CSMD2: variants seen among roughly 807,000 people sequenced by gnomAD.
CSMD2 encodes CUB and sushi domain-containing protein 2.
In CSMD2, 130 loss-of-function variants were observed where a neutral mutation model predicts 398.5. That is an observed-to-expected ratio of 0.33 (90% CI 0.28 to 0.38). The LOEUF is 0.38. Among genes scored for constraint, CSMD2 ranks in the 10% least tolerant of loss-of-function variants. The pLI is 1.00. For synonymous variants in CSMD2, 1,828 were observed against 1,908.5 expected (o/e 0.96, Z 1.10); for missense variants, 3,829 against 4,764.9 (o/e 0.80, Z 5.78).
intron 2 of CSMD2, among the ~76,000 whole-genome samples, chr1:34,052,393 G>A (rs1653290726): frequency 2.0e-5 from 3 of 151,290 alleles, no homozygotes; most frequent in Non-Finnish European, 4.4e-5. Context: ...GATATGGGAG[G>A]TTATATGCAA....
chr1:33,783,893 T>C (rs1653163823), intron 12 of CSMD2, among the ~76,000 whole-genome samples: 8 of 152,204 alleles, frequency 5.3e-5, no homozygotes, highest in Admixed American at 4.6e-4. Context: ...ACTTTTTATT[T>C]GAGGGGCGAA....
At chr1:34,155,850 T>G (rs1419028636) in intron 1 of CSMD2, among the ~76,000 whole-genome samples, 2 of 152,210 alleles carry the variant, frequency 1.3e-5, no homozygotes, top group East Asian at 1.9e-4. Context: ...TCCAAGTCCA[T>G]CATTGCATAG....
intron 26 of CSMD2, among the ~76,000 whole-genome samples, chr1:33,662,519 T>C (rs924361667): frequency 1.4e-4 from 21 of 152,208 alleles, no homozygotes; most frequent in African/African-American, 5.1e-4. Flanking sequence ...CCTTTCCTTG[T>C]CATAGATGAC....
intron 44 of CSMD2, among the ~76,000 whole-genome samples, chr1:33,590,886 A>G (rs1009587650): frequency 6.6e-6 from 1 of 151,446 alleles, no homozygotes; most frequent in Non-Finnish European, 1.5e-5. Context: ...AGCAGCAGCC[A>G]TTGTGAGCAA....
chr1:34,138,209 G>A (rs1638939244), intron 1 of CSMD2, among the ~76,000 whole-genome samples: 2 of 152,160 alleles, frequency 1.3e-5, no homozygotes, highest in South Asian at 4.2e-4. Context: ...ACATACTATG[G>A]TTAAGCAGGT....
chr1:33,961,130 G>C (rs1051344944), intron 3 of CSMD2, among the ~76,000 whole-genome samples: 9 of 152,248 alleles, frequency 5.9e-5, no homozygotes, highest in Non-Finnish European at 1.2e-4. Context: ...TTCCAAGGAG[G>C]AGCACCCACA....
intron 9 of CSMD2, chr1:33,813,059 C>T (rs1002182641): frequency 7.9e-5 from 12 of 152,218 alleles, no homozygotes; most frequent in Admixed American, 4.6e-4. Context: ...AAAGCTCCAC[C>T]AGCACCATCT....
At chr1:33,529,339 A>G (rs1655049252) in intron 64 of CSMD2, among the ~76,000 whole-genome samples, 1 of 152,094 alleles carries the variant, frequency 6.6e-6, no homozygotes, top group Non-Finnish European at 1.5e-5. Flanking sequence ...GTAGACATGT[A>G]GTCTCCCTAG....
intron 15 of CSMD2, among the ~76,000 whole-genome samples, chr1:33,729,383 C>T (rs1557803007): frequency 1.3e-5 from 2 of 151,772 alleles, no homozygotes; most frequent in African/African-American, 4.8e-5. Context: ...TTCTGTCCTT[C>T]ACTTTCTCTG....
At chr1:33,696,750 G>C (rs1645432803) in intron 24 of CSMD2, among the ~76,000 whole-genome samples, 2 of 152,014 alleles carry the variant, frequency 1.3e-5, no homozygotes, top group Admixed American at 6.6e-5. Context: ...GTGGGCAGGA[G>C]GGGGCTGAGT....
intron 13 of CSMD2, among the ~76,000 whole-genome samples, chr1:33,771,702 C>T (rs746452855): frequency 2.0e-5 from 3 of 152,146 alleles, no homozygotes; most frequent in African/African-American, 7.2e-5. Context: ...GTGCAGAACT[C>T]GAGGCCCCAA....
intron 2 of CSMD2, among the ~76,000 whole-genome samples, chr1:34,078,980 A>G (rs746702081): frequency 1.8e-4 from 27 of 152,174 alleles, no homozygotes; most frequent in Non-Finnish European, 3.2e-4. Context: ...CATCCATGCC[A>G]TCTTTACCCT....
intron 3 of CSMD2, among the ~76,000 whole-genome samples, chr1:34,004,292 G>A (rs910164933): frequency 6.6e-6 from 1 of 152,140 alleles, no homozygotes; most frequent in African/African-American, 2.4e-5. Flanking sequence ...CCACCCTTTG[G>A]ATTTCCCTGG....
At chr1:33,831,455 A>G (rs569226682) in intron 6 of CSMD2, among the ~76,000 whole-genome samples, 1 of 152,322 alleles carries the variant, frequency 6.6e-6, no homozygotes, top group African/African-American at 2.4e-5. Flanking sequence ...ACAAACAAGC[A>G]AATGCTGAGA....
At chr1:33,565,148 G>A (rs115847503) in intron 53 of CSMD2, among the ~76,000 whole-genome samples, 141 of 152,320 alleles carry the variant, frequency 9.3e-4, no homozygotes, top group Non-Finnish European at 1.6e-3. Flanking sequence ...AGAAAGAGAA[G>A]AGAGGAGCAG....
chr1:33,940,134 C>T (rs1644617629), intron 3 of CSMD2, among the ~76,000 whole-genome samples: 1 of 152,108 alleles, frequency 6.6e-6, no homozygotes. Context: ...TGGTGGTTTG[C>T]TGGCAATTTT....
intron 44 of CSMD2, among the ~76,000 whole-genome samples, chr1:33,588,212 CA>C (rs1639212258): frequency 6.6e-6 from 1 of 152,074 alleles, no homozygotes; most frequent in Non-Finnish European, 1.5e-5. Context: ...AAGAATTTCC[CA>C]TATAATTACA....
Position 33,519,839 on chromosome 1 carries a change from C to A in CSMD2, c.10709G>T (p.Gly3570Val). 1 of 1,613,972 alleles carries A rather than the reference C, an allele frequency of 6.2e-7. No individual in the cohort carries two copies. The highest frequency in any genetic ancestry group is 8.5e-7 in the Non-Finnish European group (1 of 1,179,982). ...GTGCTTGTAGAGATAGAGCACGAAGCCCGCAATAATGAGGGCGATGAAAGG... is the reference window on the plus strand; with the variant it reads ...GTGCTTGTAGAGATAGAGCACGAAGACCGCAATAATGAGGGCGATGAAAGG... ...LVPFIALIIA[G>V]FVLYLYKHRR... Residue 3570 changes from glycine to valine, a missense_variant, in exon 69 of 71, where the codon GGC (glycine) becomes GTC (valine). By Grantham distance (109) the Gly-to-Val change is moderately radical. This residue lies in a region of CSMD2 where 917 missense variants were observed against 1,199.5 expected (regional missense o/e 0.76). Transcript: ENST00000373381. The surrounding 1 kb of genome is among the most constrained non-coding windows in gnomAD (Gnocchi z 5.6).
At chr1:33,893,979 C>T (rs958856622) in intron 5 of CSMD2, among the ~76,000 whole-genome samples, 3 of 152,178 alleles carry the variant, frequency 2.0e-5, no homozygotes, top group East Asian at 1.9e-4. Context: ...AAACATATCC[C>T]GATGTGGGGT....
Sources: allele counts gnomAD v4.1 joint callset (sites outside exome capture counted in the v4.1 genomes callset), GRCh38; gene constraint gnomAD v4.1.1; regional missense constraint gnomAD v4.1.1; non-coding constraint Gnocchi (gnomAD v3.1); transcripts MANE v1.5; gene names NCBI Gene and HGNC (gene_info 2026-07-23, HGNC 2026-07-21).